CSPP1: variants seen among roughly 807,000 people sequenced by gnomAD.
CSPP1 encodes the protein centrosome and spindle pole associated protein 1.
CSPP1 carries 126 observed loss-of-function variants against 164.4 expected under a neutral mutation model. That is an observed-to-expected ratio of 0.77 (90% CI 0.66 to 0.89). The LOEUF is 0.89. CSPP1 is among the 40% of genes least tolerant of loss of function. CSPP1 has a pLI of 0.00. For synonymous variants in CSPP1, 472 were observed against 476.7 expected, an observed-to-expected ratio of 0.99 and a Z score of 0.13; for missense variants, 1,395 against 1,449.8, an observed-to-expected ratio of 0.96 and a Z score of 0.61.
chr8:67,171,704 C>T (rs1254277401), intron 24 of CSPP1, among the ~76,000 whole-genome samples: 7 of 151,960 alleles, frequency 4.6e-5, no homozygotes, highest in Non-Finnish European at 1.0e-4. Flanking sequence ...CACACCACCA[C>T]GCCCAACTAA....
chr8:67,185,422 G>A (rs1211304877), intron 28 of CSPP1, among the ~76,000 whole-genome samples: 1 of 152,212 alleles, frequency 6.6e-6, no homozygotes, highest in Non-Finnish European at 1.5e-5. Flanking sequence ...AGGATGAATT[G>A]CACATTATTG....
At chr8:67,159,714 G>T (rs1392588353) in intron 21 of CSPP1, among the ~76,000 whole-genome samples, 2 of 149,904 alleles carry the variant, frequency 1.3e-5, no homozygotes, top group African/African-American at 2.4e-5. Context: ...CAGAGACGGG[G>T]TTTCACCATG....
chr8:67,158,769 A>C (rs1827156979), intron 20 of CSPP1, among the ~76,000 whole-genome samples, 173 bp downstream of exon 20: 2 of 152,232 alleles, frequency 1.3e-5, no homozygotes, highest in South Asian at 2.1e-4. Context: ...GTAATTTAAG[A>C]AAGGAGATAA....
intron 26 of CSPP1, 36 bp from the exon 27 acceptor site, chr8:67,177,644 A>AC (rs1337321610): frequency 6.8e-7 from 1 of 1,464,394 alleles, no homozygotes; most frequent in Admixed American, 1.7e-5. Context: ...GCATTTTCTG[A>AC]CCTTTTAATT....
At chr8:67,139,207 G>A (rs1263214663) in intron 17 of CSPP1, among the ~76,000 whole-genome samples, 5 of 152,170 alleles carry the variant, frequency 3.3e-5, no homozygotes, top group South Asian at 2.1e-4. Flanking sequence ...CTTCTCAAAC[G>A]AAGACATTTA....
In CSPP1 at chr8:67,179,950, G is replaced by C. The variant is rs775352141; in HGVS notation, c.3220+24G>C. Reference sequence around the variant, plus strand: ...TGGTGAGTATATTTATTTTATTAAGGCTATATTGTTTAAATATTAAACCTT... The same window carrying C: ...TGGTGAGTATATTTATTTTATTAAGCCTATATTGTTTAAATATTAAACCTT... On this transcript the variant is annotated intron_variant, in intron 28 of 30. Transcript: ENST00000678616. 8.3e-6 allele frequency: 11 copies of C among 1,332,478 alleles called. No individual in the cohort carries two copies. The Admixed American group carries it at 1.7e-4, about 21-fold the overall frequency. 82.5% of individuals were successfully genotyped at this position (1,332,478 alleles called of 1,614,324 possible).
In CSPP1 at chr8:67,153,930, A is replaced by T. The variant is rs557679561; in HGVS notation, c.2129-94A>T. 1,427 of 552,038 alleles carry T rather than the reference A, an allele frequency of 2.6e-3. 2 individuals are homozygous for T. The highest frequency in any genetic ancestry group is 8.2e-3 in the Middle Eastern group (20 of 2,446). The allele number at this position is 552,038 out of a possible 1,614,324, so 34.2% of individuals were successfully genotyped here. On this transcript the variant is annotated intron_variant, in intron 18 of 30. Transcript: ENST00000678616. Reference sequence around the variant, plus strand: ...TAATCTTTGGACTTTTTTTTTTTTTAAAAATGAATTTATTAGCAAACTGTT... The same window carrying T: ...TAATCTTTGGACTTTTTTTTTTTTTTAAAATGAATTTATTAGCAAACTGTT...
chr8:67,172,715 G>A, intron 25 of CSPP1, 160 bp downstream of exon 25: 1 of 596,938 alleles, frequency 1.7e-6, no homozygotes, highest in East Asian at 2.9e-5. Flanking sequence ...TAGGTCTTCA[G>A]TTAACCAGTC....
At chr8:67,145,541 T>G (rs1824360091) in intron 17 of CSPP1, among the ~76,000 whole-genome samples, 1 of 152,064 alleles carries the variant, frequency 6.6e-6, no homozygotes, top group African/African-American at 2.4e-5. Context: ...GTTTTTGTTT[T>G]GAGACAGAGT....
chr8:67,169,004 G>A (rs1314859988), intron 24 of CSPP1, among the ~76,000 whole-genome samples: 1 of 152,144 alleles, frequency 6.6e-6, no homozygotes, highest in African/African-American at 2.4e-5. Context: ...TGGCCCCAGT[G>A]AATGCTCCCC....
At chr8:67,104,966 A>ATTTTTTT (rs1166551719) in intron 8 of CSPP1, among the ~76,000 whole-genome samples, 2 of 60,740 alleles carry the variant, frequency 3.3e-5, no homozygotes, top group African/African-American at 6.9e-5. Flanking sequence ...ATATATATAT[A>ATTTTTTT]TTTTTTTTTT....
chr8:67,104,941 T>TA (rs2129547523), intron 8 of CSPP1, among the ~76,000 whole-genome samples: 1 of 140,020 alleles, frequency 7.1e-6, no homozygotes, highest in South Asian at 2.3e-4. Context: ...CTCCCGGTCT[T>TA]ACATGCACAT....
chr8:67,101,173 C>G (rs781777276), intron 7 of CSPP1, among the ~76,000 whole-genome samples: 3 of 152,112 alleles, frequency 2.0e-5, no homozygotes, highest in Non-Finnish European at 4.4e-5. Context: ...ACTTGGTGCC[C>G]AAGGTTTTTA....
intron 24 of CSPP1, among the ~76,000 whole-genome samples, chr8:67,170,725 C>T (rs1376125069): frequency 2.6e-5 from 4 of 151,966 alleles, no homozygotes; most frequent in East Asian, 1.9e-4. Context: ...ATTTCAATAA[C>T]GTTATAAATA....
intron 9 of CSPP1, among the ~76,000 whole-genome samples, 157 bp from the exon 10 acceptor site, chr8:67,111,809 AGAAATT>A (rs1488965313): frequency 2.0e-5 from 3 of 149,426 alleles, no homozygotes; most frequent in Non-Finnish European, 4.4e-5. Context: ...TAATTACAAA[AGAAATT>A]GAAGAAGGAC....
chr8:67,068,517 A>G (rs562664498), intron 1 of CSPP1, among the ~76,000 whole-genome samples: 1 of 152,326 alleles, frequency 6.6e-6, no homozygotes, highest in East Asian at 1.9e-4. Flanking sequence ...TATTTTTGGC[A>G]ACTTAATCCT....
intron 10 of CSPP1, among the ~76,000 whole-genome samples, chr8:67,112,655 A>G (rs2129550176): frequency 6.6e-6 from 1 of 152,204 alleles, no homozygotes; most frequent in East Asian, 1.9e-4. Flanking sequence ...AGTCCTCTCT[A>G]CGTCTGACCT....
chr8:67,182,316 CCTTT>C (rs757388532), intron 28 of CSPP1, among the ~76,000 whole-genome samples: 56 of 145,254 alleles, frequency 3.9e-4, no homozygotes, highest in Non-Finnish European at 7.5e-4. Flanking sequence ...CCAGATTTCC[CCTTT>C]TTTTTTTTAT....
chr8:67,108,223 T>C (rs900677998), intron 9 of CSPP1, among the ~76,000 whole-genome samples: 22 of 151,680 alleles, frequency 1.5e-4, no homozygotes, highest in African/African-American at 5.3e-4. Flanking sequence ...AGGGAGACCA[T>C]GTCTCTACAA....
Sources: gnomAD v4.1 joint callset for allele counts (sites outside exome capture counted in the v4.1 genomes callset) on GRCh38, gnomAD v4.1.1 for gene constraint, MANE v1.5 for transcripts, NCBI Gene and HGNC (gene_info 2026-07-23, HGNC 2026-07-21) for gene names.